The following MYO5C variants were observed in gnomAD, a reference collection of about 807,000 sequenced individuals.
MYO5C encodes the protein unconventional myosin-Vc.
A neutral mutation model predicts 235.7 loss-of-function variants in MYO5C; 194 were observed. The observed-to-expected ratio is 0.82, with a 90% CI of 0.73 to 0.93. The LOEUF is 0.93. Among genes scored for constraint, MYO5C ranks in the 40% least tolerant of loss-of-function variants. The pLI, the probability that MYO5C is intolerant of heterozygous loss-of-function variation, is 0.00. For missense variants in MYO5C, 2,038 were observed against 2,127.2 expected, an observed-to-expected ratio of 0.96 and a Z score of 0.82; for synonymous variants, 707 against 754.8, an observed-to-expected ratio of 0.94 and a Z score of 1.04.
Position 52,193,643 on chromosome 15 carries a change from C to T in MYO5C, c.*259G>A. 2.4e-6 allele frequency: 1 copy of T among 414,960 alleles called. No homozygotes were observed. Among genetic ancestry groups the T allele is most frequent in the South Asian group, 2.7e-5 (1 of 37,366 alleles). The allele number at this position is 414,960 out of a possible 1,614,324, so 25.7% of individuals were successfully genotyped here. A position where few individuals can be genotyped will look rare whatever the true frequency, so the allele number is the denominator to read the frequency against. On this transcript the variant is annotated 3_prime_UTR_variant, in exon 41 of 41. Coordinates refer to ENST00000261839, the MANE Select transcript of MYO5C (RefSeq NM_018728.4). ...GCACGTGGAAGAAAATATGAGCCCTCCAGGAATTTCAGTGAAAACCAGCTG... is the reference window on the plus strand; with the variant it reads ...GCACGTGGAAGAAAATATGAGCCCTTCAGGAATTTCAGTGAAAACCAGCTG...
intron 5 of MYO5C, among the ~76,000 whole-genome samples, chr15:52,273,258 G>T (rs923793149): frequency 4.6e-5 from 7 of 152,202 alleles, no homozygotes; most frequent in African/African-American, 1.7e-4. Context: ...AGGAGTTGGA[G>T]GCTGCAGTGA....
rs772344519 is a variant in MYO5C, at chr15:52,269,767, G to A, written c.926C>T (p.Thr309Ile). Residue 309 changes from threonine to isoleucine, a missense_variant, in exon 8 of 41, where the codon ACC (threonine) becomes ATC (isoleucine). Thr to Ile is a moderately conservative substitution (Grantham distance 89). Coordinates refer to ENST00000261839, the MANE Select transcript of MYO5C (RefSeq NM_018728.4). Reference protein sequence around the residue: ...DRAEMVETQKTFTLLGFKEDF... With the variant: ...DRAEMVETQKIFTLLGFKEDF... ...TTTTCCCTTACCCAGAAGCGTGAAG[G>A]TCTTTTGAGTCTCTACCATTTCAGC... 1.9e-6 allele frequency: 3 copies of A among 1,608,932 alleles called. No individual in the cohort carries two copies. Among genetic ancestry groups the A allele is most frequent in the Admixed American group, 1.7e-5 (1 of 59,950 alleles).
chr15:52,259,121 A>G (rs1209706704), intron 10 of MYO5C, among the ~76,000 whole-genome samples: 1 of 152,218 alleles, frequency 6.6e-6, no homozygotes, highest in East Asian at 1.9e-4. Flanking sequence ...CATCTGTTAG[A>G]TAAAAATATG....
In MYO5C at chr15:52,260,892, T is replaced by C. The variant is rs2036679215; in HGVS notation, c.1283A>G (p.His428Arg). The C allele has an allele frequency of 1.2e-6, 2 of 1,614,202 alleles. No homozygotes were observed. The highest frequency in any genetic ancestry group is 2.2e-5 in the East Asian group (1 of 44,892). Residue 428 changes from histidine to arginine, a missense_variant, in exon 10 of 41, where the codon CAC (histidine) becomes CGC (arginine). Physicochemically the swap from His to Arg is conservative, Grantham distance 29. Coordinates refer to ENST00000261839, the MANE Select transcript of MYO5C (RefSeq NM_018728.4). ...NQALQFSGKQ[H>R]TFIGVLDIYG... is the part of the protein sequence containing the mutation. The stretch of plus-strand genomic sequence containing the variant: ...AATGTCCAAAACACCAATAAAAGTG[T>C]GCTGCTTGCCTGAAAACTGCAACGC...
intron 29 of MYO5C, among the ~76,000 whole-genome samples, chr15:52,221,960 A>G (rs1262072096): frequency 1.3e-5 from 2 of 152,168 alleles, no homozygotes; most frequent in Admixed American, 6.5e-5. Flanking sequence ...TACTTCAAGT[A>G]CCCATTCAAC....
At chr15:52,265,640 G>C (rs762301927) in intron 8 of MYO5C, among the ~76,000 whole-genome samples, 1 of 151,768 alleles carries the variant, frequency 6.6e-6, no homozygotes, top group Non-Finnish European at 1.5e-5. Flanking sequence ...CTAGGCTCAA[G>C]TAATCCTCCC....
At chr15:52,226,758 G>A (rs2035832144) in intron 25 of MYO5C, among the ~76,000 whole-genome samples, 1 of 152,180 alleles carries the variant, frequency 6.6e-6, no homozygotes, top group Non-Finnish European at 1.5e-5. Flanking sequence ...TCTTTGTAAT[G>A]TTTCAGTAAA....
chr15:52,223,370 G>C (rs1213454146), intron 29 of MYO5C, among the ~76,000 whole-genome samples, 174 bp downstream of exon 29: 2 of 152,180 alleles, frequency 1.3e-5, no homozygotes, highest in Admixed American at 1.3e-4. Context: ...TTGTATCAGA[G>C]TGCTCTCTGG....
Position 52,246,021 on chromosome 15 carries a change from A to T in MYO5C, c.2001T>A (p.Val667=). Residue 667 remains valine, a synonymous_variant, in exon 17 of 41, where the codon GTT becomes GTA. Transcript: ENST00000261839. ...AAACGCCGCAGGCTCGCAGCTGCTG[A>T]ACAATTCTTTTGGAGTCAAATCTTT... ...LPFEFDSKRI[V]QQLRACGVLE... The T allele has an allele frequency of 1.2e-6, 2 of 1,614,172 alleles. No homozygotes were observed. Among genetic ancestry groups the T allele is most frequent in the Non-Finnish European group, 1.7e-6 (2 of 1,180,016 alleles).
chr15:52,253,179 C>T, intron 12 of MYO5C, 138 bp downstream of exon 12: 2 of 903,030 alleles, frequency 2.2e-6, no homozygotes, highest in Non-Finnish European at 3.4e-6. Context: ...GCTGTGGATG[C>T]TGTCCCAGCA....
chr15:52,229,192 C>A lies in MYO5C; in HGVS notation c.3148G>T (p.Glu1050Ter), dbSNP rs1372109957. 2 of 1,614,208 alleles carry A rather than the reference C, an allele frequency of 1.2e-6. No homozygotes were observed. Among genetic ancestry groups the A allele is most frequent in the Admixed American group, 1.7e-5 (1 of 60,022 alleles). ...KMQLQHLVEG[E>*]HVTSDGLKAE... The stretch of plus-strand genomic sequence containing the variant: ...TTCAAGCCATCAGAAGTGACGTGCT[C>A]CCCCTCCACCAGGTGTTGGAGTTGC... The change falls in exon 25 of 41, where the codon GAG (glutamate) becomes TAG (stop). Residue 1050 changes from glutamate (E) to a stop codon, truncating the protein, a stop_gained. Coordinates refer to ENST00000261839, the MANE Select transcript of MYO5C (RefSeq NM_018728.4). LOFTEE classifies it high-confidence loss of function.
At chr15:52,281,443 G>C (rs2037160332) in intron 2 of MYO5C, among the ~76,000 whole-genome samples, 1 of 152,226 alleles carries the variant, frequency 6.6e-6, no homozygotes, top group Non-Finnish European at 1.5e-5. Context: ...GCTGCCTTGA[G>C]ATTTTCCTTC....
intron 24 of MYO5C, among the ~76,000 whole-genome samples, chr15:52,229,958 A>G (rs1405074374): frequency 6.6e-6 from 1 of 151,696 alleles, no homozygotes; most frequent in Non-Finnish European, 1.5e-5. Flanking sequence ...TGGAAGGGCC[A>G]GTTTCCTTCA....
Position 52,242,041 on chromosome 15 carries a change from GC to G in MYO5C, c.2556+6del. On this transcript the variant is annotated splice_donor_region_variant and intron_variant, in intron 20 of 40. Transcript: ENST00000261839. ...CCTCCCTTCCTCTAGACAGAGGTTG[GC>G]CTCACCTTTCGATACCTCCTCCTTG... 6.2e-7 allele frequency: 1 copy of G among 1,606,260 alleles called. No individual in the cohort carries two copies. The highest frequency in any genetic ancestry group is 8.5e-7 in the Non-Finnish European group (1 of 1,176,282).
chr15:52,245,241 T>C, intron 18 of MYO5C, 113 bp downstream of exon 18: 2 of 804,096 alleles, frequency 2.5e-6, no homozygotes, highest in South Asian at 2.9e-5. Context: ...TTTTCTTTCC[T>C]TTCAGGTGTT....
At chr15:52,255,521 T>C (rs1028855311) in intron 11 of MYO5C, among the ~76,000 whole-genome samples, 3 of 152,278 alleles carry the variant, frequency 2.0e-5, no homozygotes, top group East Asian at 3.9e-4. Flanking sequence ...GAGCCAAATA[T>C]AAATGTTAAG....
intron 1 of MYO5C, among the ~76,000 whole-genome samples, chr15:52,284,354 A>C (rs1196784641): frequency 6.7e-6 from 1 of 149,222 alleles, no homozygotes; most frequent in Non-Finnish European, 1.5e-5. Flanking sequence ...AGTACCTCCT[A>C]TGTGAGTCCC....
Position 52,261,013 on chromosome 15 carries a change from G to A in MYO5C, c.1162C>T (p.Pro388Ser). 1 of 1,614,194 alleles carries A rather than the reference G, an allele frequency of 6.2e-7. No individual in the cohort carries two copies. Among genetic ancestry groups the A allele is most frequent in the East Asian group, 2.2e-5 (1 of 44,882 alleles). Residue 388 changes from proline (P) to serine (S), a missense_variant, in exon 10 of 41, where the codon CCC (proline) becomes TCC (serine). Physicochemically the swap from Pro to Ser is moderately conservative, Grantham distance 74. Coordinates refer to ENST00000261839, the MANE Select transcript of MYO5C (RefSeq NM_018728.4). ...IVTSSETVVK[P>S]MTRPQAVNAR... ...TTGACAGCCTGAGGCCTGGTCATGG[G>A]TTTTACCACCGTCTCAGAGCTTGTG...
chr15:52,195,152 C>T (rs890422426), intron 40 of MYO5C, among the ~76,000 whole-genome samples: 27 of 152,128 alleles, frequency 1.8e-4, no homozygotes, highest in African/African-American at 6.5e-4. Flanking sequence ...GAATACAGCA[C>T]GGGAGACATG....
Sources: allele counts gnomAD v4.1 joint callset (sites outside exome capture counted in the v4.1 genomes callset), GRCh38; gene constraint gnomAD v4.1.1; transcripts MANE v1.5; gene names NCBI Gene and HGNC (gene_info 2026-07-23, HGNC 2026-07-21).